Variants in NAA40 observed in about 807,000 individuals in gnomAD.
The protein encoded by NAA40 is N-alpha-acetyltransferase 40, NatD catalytic subunit.
Under a neutral mutation model 36.6 loss-of-function variants are expected in NAA40, and 26 were observed. The ratio of observed to expected loss-of-function variants is 0.71; its 90% CI spans 0.52 to 0.98. NAA40 has a LOEUF of 0.98. NAA40 is among the 50% of genes least tolerant of loss of function. The probability of loss-of-function intolerance (pLI) is 0.00; values close to 1 mark genes in which losing one functional copy is unlikely to be tolerated. For missense variants in NAA40, 237 were observed against 306.5 expected (o/e 0.77, Z 1.69); for synonymous variants, 129 against 108.4 (o/e 1.19, Z -1.18).
chr11:63,945,152 T>A (rs924173441), intron 1 of NAA40, among the ~76,000 whole-genome samples: 2 of 152,256 alleles, frequency 1.3e-5, no homozygotes, highest in Admixed American at 1.3e-4. Flanking sequence ...GCTGACTGTG[T>A]GCCTGCAGCT....
chr11:63,948,751 G>T (rs1356100718), intron 3 of NAA40, among the ~76,000 whole-genome samples: 1 of 152,058 alleles, frequency 6.6e-6, no homozygotes, highest in East Asian at 1.9e-4. Context: ...TAGAGAAGGG[G>T]TCTTGCCTAT....
Position 63,947,117 on chromosome 11 carries a change from A to T in NAA40, c.155+114A>T, listed in dbSNP as rs114139222. On this transcript the variant is annotated intron_variant, in intron 3 of 7. Coordinates refer to ENST00000377793, the MANE Select transcript of NAA40 (RefSeq NM_024771.4). Reference sequence around the variant, plus strand: ...TTCTCATTGTTCTTCGTATTTACGAAAAAACAGGGCTGGGTGCGGTGGCTC... The same window carrying T: ...TTCTCATTGTTCTTCGTATTTACGATAAAACAGGGCTGGGTGCGGTGGCTC... 2.6e-4 allele frequency: 308 copies of T among 1,172,986 alleles called. 1 individual carries two copies. In the African/African-American group the frequency reaches 4.3e-3, roughly 17 times the overall value. The allele number at this position is 1,172,986 out of a possible 1,614,324, so 72.7% of individuals were successfully genotyped here.
intron 3 of NAA40, among the ~76,000 whole-genome samples, chr11:63,947,727 G>GTT (rs55682014): frequency 0.81 from 96,050 of 118,164 alleles, 43,279 homozygotes; most frequent in South Asian, 0.98. Context: ...ATTTTTGTGG[G>GTT]TTTTTTTTTT....
At chr11:63,941,749 T>A (rs1410934045) in intron 1 of NAA40, among the ~76,000 whole-genome samples, 3 of 152,158 alleles carry the variant, frequency 2.0e-5, no homozygotes, top group Non-Finnish European at 2.9e-5. Flanking sequence ...AGACGGGGTT[T>A]CACCATGTTG....
intron 3 of NAA40, chr11:63,952,030 G>T (rs944644789): frequency 1.1e-5 from 6 of 538,826 alleles, no homozygotes; most frequent in Non-Finnish European, 1.7e-5. Context: ...TGGTTGGGGG[G>T]TGGGCCGTGT....
At chr11:63,944,619 C>A (rs1485783495) in intron 1 of NAA40, among the ~76,000 whole-genome samples, 1 of 152,106 alleles carries the variant, frequency 6.6e-6, no homozygotes, top group Non-Finnish European at 1.5e-5. Flanking sequence ...AGGCTTTGGA[C>A]AGCCCTGGCG....
intron 3 of NAA40, among the ~76,000 whole-genome samples, chr11:63,948,138 A>G (rs968477811): frequency 3.3e-5 from 5 of 152,172 alleles, no homozygotes; most frequent in Non-Finnish European, 7.4e-5. Flanking sequence ...TACAGGTGTG[A>G]GCCACCGCGC....
rs1437063067 is a variant in NAA40, at chr11:63,946,552, T to A, written c.103-399T>A. On this transcript the variant is annotated intron_variant, in intron 2 of 7. Coordinates refer to ENST00000377793, the MANE Select transcript of NAA40 (RefSeq NM_024771.4). ...TTTTTTGGTCATTCTTTTAACCCAC[T>A]CATAGTAAACACTCATTTATAAGGA... 6.8e-6 allele frequency: 8 copies of A among 1,177,042 alleles called. No individual in the cohort carries two copies. The East Asian group carries it at 4.0e-4, about 59-fold the overall frequency. 72.9% of individuals were successfully genotyped at this position (1,177,042 alleles called of 1,614,324 possible).
Position 63,952,394 on chromosome 11 carries a change from C to A in NAA40, c.252-13C>A, listed in dbSNP as rs752997256. On this transcript the variant is annotated splice_polypyrimidine_tract_variant and intron_variant, in intron 4 of 7. Coordinates refer to ENST00000377793, the MANE Select transcript of NAA40 (RefSeq NM_024771.4). ...TCGCAGCTTTCCCGTCTGACTGCTCCCAAATTCCCCAGGTATGAGCAGAGC... is the reference window on the plus strand; with the variant it reads ...TCGCAGCTTTCCCGTCTGACTGCTCACAAATTCCCCAGGTATGAGCAGAGC... 1.2e-6 allele frequency: 2 copies of A among 1,613,500 alleles called. No individual in the cohort carries two copies. The highest frequency in any genetic ancestry group is 1.7e-5 in the Admixed American group (1 of 60,006).
chr11:63,946,691 C>G, intron 2 of NAA40: 1 of 1,481,760 alleles, frequency 6.7e-7, no homozygotes, highest in Non-Finnish European at 9.0e-7. Context: ...GTTGTATGCC[C>G]ACAGGCTAAT....
At chr11:63,940,262 G>A (rs927579204) in intron 1 of NAA40, among the ~76,000 whole-genome samples, 1 of 151,966 alleles carries the variant, frequency 6.6e-6, no homozygotes, top group Admixed American at 6.6e-5. Flanking sequence ...CGTTGGCCAG[G>A]CTGGTCTCGA....
intron 1 of NAA40, among the ~76,000 whole-genome samples, chr11:63,943,721 G>T (rs748242299): frequency 8.5e-5 from 13 of 152,098 alleles, no homozygotes; most frequent in Non-Finnish European, 1.6e-4. Context: ...ACTTTGGGAG[G>T]CCAAGACAGG....
rs767295726 is a variant in NAA40, at chr11:63,945,956, A to G, written c.102+21A>G. ...ACAGGGTGATTCTCCCTTTCTTCCC[A>G]GTCCCTGCCTCCTGGGACTTCAGCT... On this transcript the variant is annotated intron_variant, in intron 2 of 7. Coordinates refer to ENST00000377793, the MANE Select transcript of NAA40 (RefSeq NM_024771.4). 2.4e-5 allele frequency: 39 copies of G among 1,604,844 alleles called. 1 individual carries two copies. The South Asian group carries it at 4.1e-4, about 17-fold the overall frequency.
intron 3 of NAA40, among the ~76,000 whole-genome samples, chr11:63,950,453 A>G (rs368876277): frequency 6.8e-6 from 1 of 147,008 alleles, no homozygotes; most frequent in South Asian, 2.1e-4. Context: ...GATATCCCAT[A>G]TTGTGATATC....
At chr11:63,950,920 C>T (rs543824557) in intron 3 of NAA40, among the ~76,000 whole-genome samples, 8 of 152,288 alleles carry the variant, frequency 5.3e-5, no homozygotes, top group African/African-American at 1.7e-4. Context: ...ATGGAGAATT[C>T]GTACCTGCAG....
chr11:63,945,171 C>A (rs2134270002), intron 1 of NAA40, among the ~76,000 whole-genome samples: 1 of 152,362 alleles, frequency 6.6e-6, no homozygotes, highest in East Asian at 1.9e-4. Flanking sequence ...CTTCGTCTTG[C>A]TGGCCATGTG....
intron 2 of NAA40, chr11:63,946,240 C>A: frequency 3.0e-6 from 1 of 336,950 alleles, no homozygotes; most frequent in Non-Finnish European, 5.6e-6. Flanking sequence ...GGGTCTCACT[C>A]TGTCATCCAG....
intron 3 of NAA40, 61 bp downstream of exon 3, chr11:63,947,064 C>CCAGA: frequency 6.7e-7 from 1 of 1,497,018 alleles, no homozygotes; most frequent in Middle Eastern, 1.7e-4. Context: ...AATTCCCTTT[C>CCAGA]CAGAGTAGGC....
rs547711252 is a variant in NAA40 at position 63,944,285 on chromosome 11, G to A, written c.7-1555G>A. 3.4e-4 allele frequency among the ~76,000 whole-genome samples: 52 copies of A among 152,154 alleles called. 1 individual carries two copies. Among genetic ancestry groups the A allele is most frequent in the Non-Finnish European group, 6.3e-4 (43 of 68,026 alleles). On this transcript the variant is annotated intron_variant, in intron 1 of 7. Coordinates refer to ENST00000377793, the MANE Select transcript of NAA40 (RefSeq NM_024771.4). ...GGGCCAGTCCGTGTCAGGGCTAGAT[G>A]TAATTGGGAGTTGTCAAACCTCTCC...
Sources: allele counts gnomAD v4.1 joint callset (sites outside exome capture counted in the v4.1 genomes callset), GRCh38; gene constraint gnomAD v4.1.1; transcripts MANE v1.5; gene names NCBI Gene and HGNC (gene_info 2026-07-23, HGNC 2026-07-21).